Variants in SFRP1 observed in about 807,000 individuals in gnomAD.
SFRP1 encodes the protein secreted frizzled-related protein 1.
In SFRP1, 9 loss-of-function variants were observed where a neutral mutation model predicts 25.9. The observed-to-expected ratio is 0.35, with a 90% CI of 0.21 to 0.61. SFRP1 has a LOEUF of 0.61. Ranked by LOEUF, SFRP1 falls within the 20% of genes least tolerant of loss-of-function variation. The probability of loss-of-function intolerance (pLI) is 0.78; values close to 1 mark genes in which losing one functional copy is unlikely to be tolerated. For synonymous variants in SFRP1, 178 were observed against 174.0 expected (o/e 1.02, Z -0.18); for missense variants, 346 against 418.2 (o/e 0.83, Z 1.51).
rs946005107 is a variant in SFRP1 at position 41,309,150 on chromosome 8, C to G, written c.10G>C (p.Gly4Arg). Residue 4 changes from glycine (G) to arginine (R), a missense_variant, in exon 1 of 3, where the codon GGG becomes CGG. Coordinates refer to ENST00000220772, the MANE Select transcript of SFRP1 (RefSeq NM_003012.5). MGIGRSEGGRRGAA... is the reference protein window; with the variant it reads MGIRRSEGGRRGAA... ...CCGCGGCGGCCCCCCTCGCTGCGCC[C>G]GATGCCCATGCCGGCTCTGCGCCCT... is the stretch of plus-strand genomic sequence containing the variant. The G allele has an allele frequency of 8.5e-6, 12 of 1,409,648 alleles. No individual in the cohort carries two copies. Among genetic ancestry groups the G allele is most frequent in the South Asian group, 1.6e-5 (1 of 63,316 alleles). 87.3% of individuals were successfully genotyped at this position (1,409,648 alleles called of 1,614,324 possible).
At chr8:41,307,137 G>C in intron 1 of SFRP1, 1 of 794,224 alleles carries the variant, frequency 1.3e-6, no homozygotes, top group Non-Finnish European at 1.8e-6. Flanking sequence ...CAGGGGATGG[G>C]TGCAAGCCAA....
chr8:41,303,645 T>C, intron 1 of SFRP1, 107 bp from the exon 2 acceptor site: 1 of 819,808 alleles, frequency 1.2e-6, no homozygotes, highest in Non-Finnish European at 2.1e-6. Context: ...TGGCTAAAGG[T>C]CTTCTGGAAC....
intron 1 of SFRP1, among the ~76,000 whole-genome samples, chr8:41,306,393 A>C (rs1803996988): frequency 6.6e-6 from 1 of 152,200 alleles, no homozygotes; most frequent in African/African-American, 2.4e-5. Flanking sequence ...TTCTCATTGG[A>C]AAGTGCCAGT....
Position 41,265,138 on chromosome 8 carries a change from G to GTC in SFRP1, c.*28_*29insGA. On this transcript the variant is annotated 3_prime_UTR_variant, in exon 3 of 3. Coordinates refer to ENST00000220772, the MANE Select transcript of SFRP1 (RefSeq NM_003012.5). ...CCCCCCCGCTCCCACCCCACCCGAG[G>GTC]CTCCCTCCCCACCCTGCCCCCGGGA... The GTC allele has an allele frequency of 2.0e-6, 1 of 508,950 alleles. No homozygotes were observed. Among genetic ancestry groups the GTC allele is most frequent in the African/African-American group, 2.2e-5 (1 of 46,338 alleles). The allele number at this position is 508,950 out of a possible 1,614,324, so 31.5% of individuals were successfully genotyped here.
At position 41,265,188 on chromosome 8, in the gene SFRP1, G is replaced by T. The variant is rs146538019; in HGVS notation, c.924C>A (p.Thr308=). ...MKKMKNHECP[T]FQSVFK ...AGAATCACTTAAACACGGACTGAAAGGTGGGGCACTCATGGTTTTTCATTT... is the reference window on the plus strand; with the variant it reads ...AGAATCACTTAAACACGGACTGAAATGTGGGGCACTCATGGTTTTTCATTT... Residue 308 remains threonine, a synonymous_variant, in exon 3 of 3, where the codon ACC becomes ACA. Transcript: ENST00000220772. 2.4e-6 allele frequency: 3 copies of T among 1,236,498 alleles called. No individual in the cohort carries two copies. The African/African-American group carries it at 5.4e-5, about 22-fold the overall frequency. The allele number at this position is 1,236,498 out of a possible 1,614,324, so 76.6% of individuals were successfully genotyped here.
intron 2 of SFRP1, among the ~76,000 whole-genome samples, chr8:41,272,333 G>A (rs541038126): frequency 1.6e-4 from 25 of 152,324 alleles, no homozygotes; most frequent in East Asian, 1.9e-4. Context: ...GGCCAGGCAC[G>A]GTGGCTCACG....
chr8:41,265,133 CCGAGGCTCCCT>C lies in SFRP1; in HGVS notation c.*23_*33del. 4.3e-6 allele frequency: 3 copies of C among 699,502 alleles called. No homozygotes were observed. The highest frequency in any genetic ancestry group is 7.2e-6 in the Non-Finnish European group (3 of 419,542). 43.3% of individuals were successfully genotyped at this position (699,502 alleles called of 1,614,324 possible). On this transcript the variant is annotated 3_prime_UTR_variant, in exon 3 of 3. Transcript: ENST00000220772. ...ACTGTCCCCCCCGCTCCCACCCCAC[CCGAGGCTCCCT>C]CCCCACCCTGCCCCCGGGAGAATCA...
At chr8:41,285,316 G>C (rs1196556748) in intron 2 of SFRP1, among the ~76,000 whole-genome samples, 1 of 151,862 alleles carries the variant, frequency 6.6e-6, no homozygotes, top group Non-Finnish European at 1.5e-5. Flanking sequence ...GCTGTCCTCC[G>C]CCCCTCGTTC....
At chr8:41,303,422 TTCCAAACCTTCCAGAGGC>T (rs1164021283) in intron 2 of SFRP1, 21 bp downstream of exon 2, 5 of 1,499,074 alleles carry the variant, frequency 3.3e-6, no homozygotes, top group Non-Finnish European at 4.6e-6. Flanking sequence ...GACCAGGAGG[TTCCAAACCTTCCAGAGGC>T]AGCTAGAAAC....
At chr8:41,270,403 G>C (rs1433400541) in intron 2 of SFRP1, among the ~76,000 whole-genome samples, 1 of 152,118 alleles carries the variant, frequency 6.6e-6, no homozygotes, top group African/African-American at 2.4e-5. Flanking sequence ...GCTTAAAAGG[G>C]AGAAGAAAAG....
chr8:41,298,984 T>C (rs1292452673), intron 2 of SFRP1, among the ~76,000 whole-genome samples: 1 of 152,112 alleles, frequency 6.6e-6, no homozygotes, highest in Non-Finnish European at 1.5e-5. Flanking sequence ...TCCACTCCCC[T>C]TCTTATGAGA....
intron 2 of SFRP1, among the ~76,000 whole-genome samples, chr8:41,291,369 A>C (rs1585516313): frequency 6.6e-6 from 1 of 152,098 alleles, no homozygotes; most frequent in East Asian, 1.9e-4. Context: ...CTAGATACTC[A>C]CCACCACACC....
intron 2 of SFRP1, among the ~76,000 whole-genome samples, chr8:41,300,945 T>C (rs1563366973): frequency 6.6e-6 from 1 of 152,020 alleles, no homozygotes; most frequent in Non-Finnish European, 1.5e-5. Flanking sequence ...TTTTTTCCTG[T>C]TGGGGAAAAA....
chr8:41,293,997 C>T (rs751806514), intron 2 of SFRP1, among the ~76,000 whole-genome samples: 19 of 151,770 alleles, frequency 1.3e-4, no homozygotes, highest in Non-Finnish European at 2.5e-4. Context: ...CTCAGCCTCC[C>T]GAAGCACTGG....
intron 2 of SFRP1, among the ~76,000 whole-genome samples, chr8:41,299,959 C>G (rs1563366686): frequency 1.3e-5 from 2 of 152,312 alleles, no homozygotes; most frequent in East Asian, 3.9e-4. Flanking sequence ...GATACAGAGC[C>G]TGCTCTCAGG....
Position 41,303,552 on chromosome 8 carries a change from T to A in SFRP1, c.545-14A>T. On this transcript the variant is annotated splice_polypyrimidine_tract_variant and intron_variant, in intron 1 of 2. Coordinates refer to ENST00000220772, the MANE Select transcript of SFRP1 (RefSeq NM_003012.5). Reference sequence around the variant, plus strand: ...ACACCGTTGTGCCTGGGAAAGGAAGTAGGGAGAAACGGAACTGTAAGTTAC... The same window carrying A: ...ACACCGTTGTGCCTGGGAAAGGAAGAAGGGAGAAACGGAACTGTAAGTTAC... 6.2e-7 allele frequency: 1 copy of A among 1,607,948 alleles called. No homozygotes were observed.
Position 41,265,220 on chromosome 8 carries a change from T to C in SFRP1, c.892A>G (p.Met298Val). The change falls in exon 3 of 3, where the codon ATG (methionine) becomes GTG (valine). Residue 298 changes from methionine to valine, a missense_variant. By Grantham distance (21) the Met-to-Val change is conservative. Transcript: ENST00000220772. ...CACTCATGGTTTTTCATTTTCTTCA[T>C]GAAGTTTTTGAACTCCTTGTTTTTC... ...DKKNKEFKNF[M>V]KKMKNHECPT... 6.2e-7 allele frequency: 1 copy of C among 1,603,276 alleles called. No homozygotes were observed. Among genetic ancestry groups the C allele is most frequent in the Non-Finnish European group, 8.5e-7 (1 of 1,173,152 alleles).
At chr8:41,303,232 T>C (rs577204289) in intron 2 of SFRP1, among the ~76,000 whole-genome samples, 1 of 151,954 alleles carries the variant, frequency 6.6e-6, no homozygotes, top group South Asian at 2.1e-4. Flanking sequence ...CCCAAAAATC[T>C]GTCCAGCGAT....
At chr8:41,298,813 T>C (rs1249106720) in intron 2 of SFRP1, among the ~76,000 whole-genome samples, 1 of 152,114 alleles carries the variant, frequency 6.6e-6, no homozygotes, top group Non-Finnish European at 1.5e-5. Flanking sequence ...ATTAAAAAAA[T>C]TTTAAGTGGT....
Sources: gnomAD v4.1 joint callset for allele counts (sites outside exome capture counted in the v4.1 genomes callset) on GRCh38, gnomAD v4.1.1 for gene constraint, MANE v1.5 for transcripts, NCBI Gene and HGNC (gene_info 2026-07-23, HGNC 2026-07-21) for gene names.